The following LDB2 variants were observed in gnomAD, a reference collection of about 807,000 sequenced individuals.
LDB2 encodes LIM domain-binding protein 2.
A neutral mutation model predicts 44.3 loss-of-function variants in LDB2; 12 were observed. The ratio of observed to expected loss-of-function variants is 0.27; its 90% CI spans 0.17 to 0.44. LDB2 has a LOEUF of 0.44. LDB2 is among the 20% of genes least tolerant of loss of function. The pLI is 1.00. For synonymous variants in LDB2, 164 were observed against 174.8 expected, an observed-to-expected ratio of 0.94 and a Z score of 0.49; for missense variants, 344 against 473.5, an observed-to-expected ratio of 0.73 and a Z score of 2.54.
chr4:16,644,718 C>T (rs946161215), intron 2 of LDB2, among the ~76,000 whole-genome samples: 2 of 152,220 alleles, frequency 1.3e-5, no homozygotes, highest in African/African-American at 4.8e-5. Flanking sequence ...GCATGAGTCA[C>T]TGCACTTGGC....
chr4:16,610,340 T>C (rs1006657325), intron 2 of LDB2, among the ~76,000 whole-genome samples: 6 of 151,968 alleles, frequency 3.9e-5, no homozygotes, highest in African/African-American at 1.5e-4. Flanking sequence ...CCATCAAGGG[T>C]GCAGAACGGG....
intron 5 of LDB2, among the ~76,000 whole-genome samples, chr4:16,548,458 C>A (rs905874024): frequency 1.3e-5 from 2 of 152,206 alleles, no homozygotes. Context: ...CAGACACTCT[C>A]CACTGCCCTG....
At chr4:16,689,507 TG>T (rs1750095676) in intron 2 of LDB2, among the ~76,000 whole-genome samples, 1 of 152,212 alleles carries the variant, frequency 6.6e-6, no homozygotes. Flanking sequence ...AGCTCTATGG[TG>T]GAGTCTTTGT....
chr4:16,672,833 T>TTCTTTCCTTCCC (rs1238158809), intron 2 of LDB2, among the ~76,000 whole-genome samples: 2 of 11,636 alleles, frequency 1.7e-4, no homozygotes, highest in Non-Finnish European at 7.7e-4. Context: ...CCTGCCTTCT[T>TTCTTTCCTTCCC]TCCTTCCTTC....
At chr4:16,785,000 G>T (rs946467032) in intron 1 of LDB2, among the ~76,000 whole-genome samples, 1 of 82,834 alleles carries the variant, frequency 1.2e-5, no homozygotes, top group East Asian at 2.6e-4. Flanking sequence ...CTCTATAATT[G>T]AAGAACAGTT....
intron 2 of LDB2, among the ~76,000 whole-genome samples, chr4:16,758,135 G>C (rs1307216914): frequency 6.6e-6 from 1 of 152,126 alleles, no homozygotes; most frequent in Non-Finnish European, 1.5e-5. Context: ...TACTAGTATA[G>C]TTGCTAATAG....
Position 16,852,351 on chromosome 4 carries a change from C to T in LDB2, c.132+46003G>A, listed in dbSNP as rs532212639. On this transcript the variant is annotated intron_variant, in intron 1 of 7. Transcript: ENST00000304523. ...TGTAAATCACACAGCGTCAGATACACGAAAAGACAAACAGGATGGATCTTT... is the reference window on the plus strand; with the variant it reads ...TGTAAATCACACAGCGTCAGATACATGAAAAGACAAACAGGATGGATCTTT... 9.2e-5 allele frequency among the ~76,000 whole-genome samples: 14 copies of T among 152,248 alleles called. No individual in the cohort carries two copies. In the East Asian group the frequency reaches 1.2e-3, roughly 13 times the overall value.
At chr4:16,563,933 C>T (rs1164540431) in intron 5 of LDB2, among the ~76,000 whole-genome samples, 1 of 152,110 alleles carries the variant, frequency 6.6e-6, no homozygotes, top group African/African-American at 2.4e-5. Flanking sequence ...GCCCTGACAT[C>T]AAAGATTCTC....
chr4:16,850,539 G>C (rs1198866585), intron 1 of LDB2, among the ~76,000 whole-genome samples: 2 of 152,258 alleles, frequency 1.3e-5, no homozygotes, highest in East Asian at 3.9e-4. Flanking sequence ...AAGGATGTCA[G>C]GTTTCCCACA....
intron 2 of LDB2, among the ~76,000 whole-genome samples, chr4:16,653,075 G>A (rs1179356866): frequency 1.3e-5 from 2 of 152,290 alleles, no homozygotes; most frequent in African/African-American, 4.8e-5. Context: ...GTGTGAAAAT[G>A]TGCTTGAAGT....
At chr4:16,712,425 G>A (rs1172838822) in intron 2 of LDB2, among the ~76,000 whole-genome samples, 7 of 152,030 alleles carry the variant, frequency 4.6e-5, no homozygotes, top group Non-Finnish European at 1.0e-4. Context: ...GGTGGCAAGC[G>A]CCTGTAGTCC....
At chr4:16,642,455 T>G (rs1005084908) in intron 2 of LDB2, among the ~76,000 whole-genome samples, 1 of 152,034 alleles carries the variant, frequency 6.6e-6, no homozygotes, top group African/African-American at 2.4e-5. Context: ...AAACATGAAT[T>G]TAGTAAACTT....
intron 2 of LDB2, among the ~76,000 whole-genome samples, chr4:16,657,942 C>T (rs902208185): frequency 6.6e-6 from 1 of 152,180 alleles, no homozygotes; most frequent in African/African-American, 2.4e-5. Flanking sequence ...AGACATGTTT[C>T]TGTGTGTGTT....
At chr4:16,700,157 A>C (rs969812502) in intron 2 of LDB2, among the ~76,000 whole-genome samples, 2 of 152,178 alleles carry the variant, frequency 1.3e-5, no homozygotes, top group African/African-American at 4.8e-5. Context: ...AAACATTTCA[A>C]ATTTTGAAGC....
At chr4:16,604,803 G>A (rs568998231) in intron 2 of LDB2, among the ~76,000 whole-genome samples, 15 of 152,090 alleles carry the variant, frequency 9.9e-5, no homozygotes, top group East Asian at 3.9e-4. Flanking sequence ...TTTAGAAAAC[G>A]ATTCATTAAT....
chr4:16,521,132 T>C (rs1411361046), intron 5 of LDB2, among the ~76,000 whole-genome samples: 3 of 152,150 alleles, frequency 2.0e-5, no homozygotes, highest in Non-Finnish European at 4.4e-5. Context: ...GTTGTGTTCA[T>C]TTCTTAGGAC....
intron 1 of LDB2, among the ~76,000 whole-genome samples, chr4:16,808,507 A>G (rs1779201125): frequency 6.6e-6 from 1 of 152,178 alleles, no homozygotes. Context: ...AAGAGAAAAC[A>G]TGAGATGATT....
intron 2 of LDB2, among the ~76,000 whole-genome samples, chr4:16,610,020 C>T (rs937338129): frequency 6.6e-6 from 1 of 152,058 alleles, no homozygotes; most frequent in Non-Finnish European, 1.5e-5. Context: ...TTGCTGCTCT[C>T]CAGCCTCCTT....
In LDB2 at chr4:16,730,148, T is replaced by C. The variant is rs117913495; in HGVS notation, c.235+29010A>G. 3.7e-4 allele frequency among the ~76,000 whole-genome samples: 56 copies of C among 152,312 alleles called. 3 individuals are homozygous for C. The East Asian group carries it at 9.7e-3, about 26-fold the overall frequency. On this transcript the variant is annotated intron_variant, in intron 2 of 7. Coordinates refer to ENST00000304523, the MANE Select transcript of LDB2 (RefSeq NM_001290.5). ...GCAACGTCAGAAAGTAATACATCCT[T>C]CTTAGCCCTTTTGTCTTAGCTTTTC...
Sources: allele counts gnomAD v4.1 joint callset (sites outside exome capture counted in the v4.1 genomes callset), GRCh38; gene constraint gnomAD v4.1.1; transcripts MANE v1.5; gene names NCBI Gene and HGNC (gene_info 2026-07-23, HGNC 2026-07-21).